Variants in LRRIQ3 observed in about 807,000 individuals in gnomAD.
LRRIQ3 encodes the protein leucine rich repeats and IQ motif containing 3.
LRRIQ3 carries 75 observed loss-of-function variants against 59.3 expected under a neutral mutation model. The ratio of observed to expected loss-of-function variants is 1.26; its 90% confidence interval spans 1.05 to 1.53. The LOEUF is 1.53. Ranked by LOEUF, LRRIQ3 falls within the 40% of genes most tolerant of loss-of-function variation. The pLI, the probability that LRRIQ3 is intolerant of heterozygous loss-of-function variation, is 0.00. For synonymous variants in LRRIQ3, 250 were observed against 231.3 expected (o/e 1.08, Z -0.73); for missense variants, 831 against 710.0 (o/e 1.17, Z -1.94).
intron 4 of LRRIQ3, among the ~76,000 whole-genome samples, chr1:74,133,050 C>G (rs1281582677): frequency 9.9e-5 from 15 of 151,696 alleles, no homozygotes; most frequent in African/African-American, 3.6e-4. Flanking sequence ...AAAAAGTGGG[C>G]AAATATGAAC....
chr1:74,080,392 G>A (rs1346466600), intron 5 of LRRIQ3, among the ~76,000 whole-genome samples: 1 of 151,632 alleles, frequency 6.6e-6, no homozygotes. Flanking sequence ...TAAGTACCTG[G>A]TTATAAAAGT....
intron 6 of LRRIQ3, among the ~76,000 whole-genome samples, chr1:74,046,210 C>T (rs113391093): frequency 5.9e-4 from 90 of 152,222 alleles, no homozygotes; most frequent in African/African-American, 2.1e-3. Context: ...TCAAACTATA[C>T]TACAAGGCTA....
intron 1 of LRRIQ3, among the ~76,000 whole-genome samples, chr1:74,188,982 A>G (rs1369281758): frequency 1.3e-5 from 2 of 152,184 alleles, no homozygotes; most frequent in Non-Finnish European, 2.9e-5. Context: ...TTGGCTTAAA[A>G]TAACCATCAT....
chr1:74,108,570 T>G (rs1035896197), intron 5 of LRRIQ3, among the ~76,000 whole-genome samples: 1 of 151,736 alleles, frequency 6.6e-6, no homozygotes, highest in Non-Finnish European at 1.5e-5. Flanking sequence ...CTTCTAACAA[T>G]GCTAATGTAA....
chr1:74,146,174 C>A (rs1487326526), intron 4 of LRRIQ3, among the ~76,000 whole-genome samples: 1 of 152,014 alleles, frequency 6.6e-6, no homozygotes, highest in Non-Finnish European at 1.5e-5. Context: ...TATGGGTTCA[C>A]ACAATGACAA....
chr1:74,035,802 G>T (rs1364291769), intron 7 of LRRIQ3, among the ~76,000 whole-genome samples: 1 of 151,932 alleles, frequency 6.6e-6, no homozygotes, highest in Non-Finnish European at 1.5e-5. Flanking sequence ...TCTGCTATAG[G>T]TACAGGAATA....
chr1:74,171,222 T>A (rs1570252320), intron 3 of LRRIQ3, among the ~76,000 whole-genome samples: 1 of 152,160 alleles, frequency 6.6e-6, no homozygotes, highest in Non-Finnish European at 1.5e-5. Context: ...TTGTTCCATA[T>A]CTTAGGAAAA....
At chr1:74,132,413 G>C (rs140075143) in intron 4 of LRRIQ3, among the ~76,000 whole-genome samples, 2,086 of 152,134 alleles carry the variant, frequency 0.014, 40 homozygotes, top group African/African-American at 0.048. Context: ...CCAAGTCAAT[G>C]CTAAGCCAAA....
At chr1:74,139,703 C>G (rs1466342778) in intron 4 of LRRIQ3, among the ~76,000 whole-genome samples, 1 of 151,826 alleles carries the variant, frequency 6.6e-6, no homozygotes, top group African/African-American at 2.4e-5. Flanking sequence ...GATATAAATA[C>G]TGACTATATA....
At chr1:74,075,936 A>G (rs901976043) in intron 5 of LRRIQ3, among the ~76,000 whole-genome samples, 9 of 152,186 alleles carry the variant, frequency 5.9e-5, no homozygotes, top group Admixed American at 2.6e-4. Context: ...CAGGCCCTGT[A>G]TCTTAAGGAG....
chr1:74,157,760 A>G (rs535075822), intron 3 of LRRIQ3, among the ~76,000 whole-genome samples: 1 of 152,152 alleles, frequency 6.6e-6, no homozygotes, highest in Admixed American at 6.5e-5. Flanking sequence ...TCATTGTTAC[A>G]TTGAAAGAAT....
At position 74,041,714 on chromosome 1, in the gene LRRIQ3, T is replaced by G. The variant is rs752234081; in HGVS notation, c.1217A>C (p.Glu406Ala). Residue 406 changes from glutamate (E) to alanine (A), a missense_variant, in exon 7 of 8, where the codon GAG becomes GCG. Physicochemically the swap from Glu to Ala is moderately radical, Grantham distance 107. Transcript: ENST00000354431. ...KDIRLERSMK[E>A]FFAPQRAGMK... ...ACCAGCTCTTTGTGGTGCAAAAAAC[T>G]CTTTCATACTCCGCTCCAATCGTAT... is the stretch of plus-strand genomic sequence containing the variant. The G allele has an allele frequency of 6.2e-7, 1 of 1,613,410 alleles. No homozygotes were observed. Among genetic ancestry groups the G allele is most frequent in the Non-Finnish European group, 8.5e-7 (1 of 1,179,756 alleles).
chr1:74,183,784 G>T, intron 1 of LRRIQ3, 100 bp from the exon 2 acceptor site: 1 of 970,638 alleles, frequency 1.0e-6, no homozygotes, highest in Non-Finnish European at 1.4e-6. Context: ...AGTAAAAAGT[G>T]TTATTAAAGT....
At chr1:74,060,188 T>TTTC (rs1322871460) in intron 6 of LRRIQ3, among the ~76,000 whole-genome samples, 4,839 of 111,450 alleles carry the variant, frequency 0.043, 210 homozygotes, top group African/African-American at 0.08. Flanking sequence ...TCTTCTTCTT[T>TTTC]TTCTTCTTCT....
intron 7 of LRRIQ3, among the ~76,000 whole-genome samples, chr1:74,039,350 G>C (rs1328409988): frequency 6.6e-6 from 1 of 152,170 alleles, no homozygotes; most frequent in African/African-American, 2.4e-5. Context: ...ACCTATGACT[G>C]ACTGGAGTAC....
intron 7 of LRRIQ3, among the ~76,000 whole-genome samples, chr1:74,031,089 G>C (rs1478741908): frequency 7.2e-5 from 11 of 151,976 alleles, no homozygotes; most frequent in African/African-American, 7.2e-5. Flanking sequence ...TTAGAATGGC[G>C]ATCATTAAAA....
intron 4 of LRRIQ3, among the ~76,000 whole-genome samples, chr1:74,126,546 C>G (rs1412008986): frequency 6.6e-6 from 1 of 151,686 alleles, no homozygotes; most frequent in African/African-American, 2.4e-5. Flanking sequence ...TTGGTAGGTT[C>G]TGCTTCCATT....
chr1:74,086,739 C>T (rs1052817236), intron 5 of LRRIQ3, among the ~76,000 whole-genome samples: 16 of 152,054 alleles, frequency 1.1e-4, no homozygotes, highest in Admixed American at 9.2e-4. Flanking sequence ...GTAAATAATA[C>T]TTAATTTACA....
At chr1:74,034,789 A>G (rs1002925257) in intron 7 of LRRIQ3, among the ~76,000 whole-genome samples, 3 of 121,704 alleles carry the variant, frequency 2.5e-5, no homozygotes, top group African/African-American at 5.2e-5. Context: ...TATAAGTAGG[A>G]AAAGGCAAAT....
Sources: gnomAD v4.1 joint callset for allele counts (sites outside exome capture counted in the v4.1 genomes callset) on GRCh38, gnomAD v4.1.1 for gene constraint, MANE v1.5 for transcripts, NCBI Gene and HGNC (gene_info 2026-07-23, HGNC 2026-07-21) for gene names.